Variants in ARL8B observed in about 807,000 individuals in gnomAD.
The protein encoded by ARL8B is ARF like GTPase 8B, also known as ADP-ribosylation factor-like protein 8B.
A neutral mutation model predicts 30.6 loss-of-function variants in ARL8B; 9 were observed. That is an observed-to-expected ratio of 0.29 (90% CI 0.18 to 0.51). The LOEUF is 0.51. ARL8B is among the 20% of genes least tolerant of loss of function. ARL8B has a pLI of 0.97. For missense variants in ARL8B, 130 were observed against 227.2 expected (o/e 0.57, Z 2.75); for synonymous variants, 74 against 76.0 (o/e 0.97, Z 0.14).
At chr3:5,164,097 C>A (rs922142897) in intron 1 of ARL8B, among the ~76,000 whole-genome samples, 4 of 152,110 alleles carry the variant, frequency 2.6e-5, no homozygotes, top group African/African-American at 9.7e-5. Flanking sequence ...TGTTCCCCAC[C>A]CCCTATATAT....
At chr3:5,172,304 G>T in intron 3 of ARL8B, 81 bp downstream of exon 3, 3 of 1,257,460 alleles carry the variant, frequency 2.4e-6, no homozygotes, top group Non-Finnish European at 3.4e-6. Context: ...ATTTCCAGAG[G>T]CTCAATTTTT....
At chr3:5,154,253 G>C (rs1045450567) in intron 1 of ARL8B, among the ~76,000 whole-genome samples, 1 of 150,578 alleles carries the variant, frequency 6.6e-6, no homozygotes, top group African/African-American at 2.4e-5. Context: ...ATGACTGTTA[G>C]TCCTTTTTAT....
At chr3:5,146,698 C>G (rs948856341) in intron 1 of ARL8B, among the ~76,000 whole-genome samples, 3 of 152,160 alleles carry the variant, frequency 2.0e-5, no homozygotes, top group Non-Finnish European at 4.4e-5. Flanking sequence ...GGTCTCCACC[C>G]AGGAGGTTAG....
At chr3:5,149,569 A>G (rs182010041) in intron 1 of ARL8B, among the ~76,000 whole-genome samples, 8 of 152,306 alleles carry the variant, frequency 5.3e-5, no homozygotes, top group South Asian at 4.1e-4. Context: ...TGGAGTTACA[A>G]TCTTCCCAGA....
chr3:5,158,925 G>A (rs2106565718), intron 1 of ARL8B, among the ~76,000 whole-genome samples: 1 of 152,126 alleles, frequency 6.6e-6, no homozygotes, highest in African/African-American at 2.4e-5. Context: ...TGTAGTATAT[G>A]CTGAAGTCTT....
intron 6 of ARL8B, among the ~76,000 whole-genome samples, chr3:5,177,077 C>T (rs548018908): frequency 6.2e-4 from 94 of 152,324 alleles, no homozygotes; most frequent in African/African-American, 2.3e-3. Flanking sequence ...TTACTCCCTA[C>T]ATGTTTTCTG....
intron 1 of ARL8B, among the ~76,000 whole-genome samples, chr3:5,163,201 G>C (rs907705241): frequency 2.6e-5 from 4 of 151,916 alleles, no homozygotes; most frequent in Non-Finnish European, 5.9e-5. Flanking sequence ...TGGCCAGGCT[G>C]GTCTCGAACT....
chr3:5,122,910 C>T (rs1428732425), intron 1 of ARL8B, among the ~76,000 whole-genome samples: 1 of 152,202 alleles, frequency 6.6e-6, no homozygotes, highest in Non-Finnish European at 1.5e-5. Flanking sequence ...ATTGGGGTTT[C>T]CCTTGGGTTT....
chr3:5,123,889 C>T (rs2054205258), intron 1 of ARL8B, among the ~76,000 whole-genome samples: 3 of 151,920 alleles, frequency 2.0e-5, no homozygotes, highest in Non-Finnish European at 2.9e-5. Flanking sequence ...AATTTTTTTT[C>T]TTGAGACGGA....
At position 5,178,959 on chromosome 3, in the gene ARL8B, G is replaced by A; in HGVS notation, c.*246G>A. On this transcript the variant is annotated 3_prime_UTR_variant, in exon 7 of 7. Coordinates refer to ENST00000256496, the MANE Select transcript of ARL8B (RefSeq NM_018184.3). Reference sequence around the variant, plus strand: ...TACACATACCTGTCTTAAACCATGTGTAGAGCTTTAAAAACAGAAAAAAAA... The same window carrying A: ...TACACATACCTGTCTTAAACCATGTATAGAGCTTTAAAAACAGAAAAAAAA... 2.2e-6 allele frequency: 1 copy of A among 460,734 alleles called. No individual in the cohort carries two copies. The highest frequency in any genetic ancestry group is 3.4e-6 in the Non-Finnish European group (1 of 290,332). The allele number at this position is 460,734 out of a possible 1,614,324, so 28.5% of individuals were successfully genotyped here. A position where few individuals can be genotyped will look rare whatever the true frequency, so the allele number is the denominator to read the frequency against.
At chr3:5,138,873 GCTTA>G (rs2054349337) in intron 1 of ARL8B, among the ~76,000 whole-genome samples, 1 of 152,156 alleles carries the variant, frequency 6.6e-6, no homozygotes. Flanking sequence ...GCTTTACAGT[GCTTA>G]CTGTTTCTTC....
chr3:5,172,097 C>T (rs1265045083), intron 2 of ARL8B, 53 bp from the exon 3 acceptor site: 3 of 1,479,504 alleles, frequency 2.0e-6, no homozygotes, highest in African/African-American at 2.8e-5. Flanking sequence ...CTTCCTCTTG[C>T]AATCATTTAA....
chr3:5,161,209 C>T (rs1425919083), intron 1 of ARL8B, among the ~76,000 whole-genome samples: 1 of 152,196 alleles, frequency 6.6e-6, no homozygotes, highest in East Asian at 1.9e-4. Context: ...CAGCCTTTAC[C>T]ACTAGTTATC....
chr3:5,163,244 C>T (rs927636849), intron 1 of ARL8B, among the ~76,000 whole-genome samples: 33 of 152,076 alleles, frequency 2.2e-4, no homozygotes, highest in African/African-American at 4.6e-4. Context: ...GCCTCAGCCT[C>T]GAAAAGTGCT....
intron 1 of ARL8B, among the ~76,000 whole-genome samples, chr3:5,130,243 C>G (rs926929116): frequency 6.7e-6 from 1 of 148,836 alleles, no homozygotes; most frequent in Non-Finnish European, 1.5e-5. Context: ...AGCCTGGTCC[C>G]GGAACTCCTG....
intron 1 of ARL8B, among the ~76,000 whole-genome samples, chr3:5,138,863 G>C (rs1225893933): frequency 2.0e-5 from 3 of 152,184 alleles, no homozygotes; most frequent in Non-Finnish European, 4.4e-5. Flanking sequence ...TAATGGAGTG[G>C]CTTTACAGTG....
intron 1 of ARL8B, among the ~76,000 whole-genome samples, chr3:5,142,029 G>T (rs1038224136): frequency 4.5e-4 from 69 of 152,138 alleles, no homozygotes; most frequent in Non-Finnish European, 4.9e-4. Flanking sequence ...GACATTAAAA[G>T]AGTTTGTCAA....
At position 5,168,090 on chromosome 3, in the gene ARL8B, A is replaced by G. The variant is rs142990367; in HGVS notation, c.124-2413A>G. Among the ~76,000 whole-genome samples, 752 of 152,056 alleles carry G rather than the reference A, an allele frequency of 4.9e-3. 4 individuals are homozygous for G. Among genetic ancestry groups the G allele is most frequent in the Non-Finnish European group, 7.4e-3 (504 of 67,978 alleles). On this transcript the variant is annotated intron_variant, in intron 1 of 6. Coordinates refer to ENST00000256496, the MANE Select transcript of ARL8B (RefSeq NM_018184.3). ...TTTTTTTGAGACATGCTCTCACTCT[A>G]TTGTCTAGGCTGGAGTACAGTGGCA...
Position 5,179,512 on chromosome 3 carries a change from G to T in ARL8B, c.*799G>T, listed in dbSNP as rs1430271337. Reference sequence around the variant, plus strand: ...CTTTTTTAAGGGGTTGAGAATTGAAGATTTTCCAAAAGCGTTCATGAATTT... The same window carrying T: ...CTTTTTTAAGGGGTTGAGAATTGAATATTTTCCAAAAGCGTTCATGAATTT... On this transcript the variant is annotated 3_prime_UTR_variant, in exon 7 of 7. Coordinates refer to ENST00000256496, the MANE Select transcript of ARL8B (RefSeq NM_018184.3). The T allele has an allele frequency of 6.6e-6, 1 of 152,440 alleles. No homozygotes were observed. 9.4% of individuals were successfully genotyped at this position (152,440 alleles called of 1,614,324 possible). A position where few individuals can be genotyped will look rare whatever the true frequency, so the allele number is the denominator to read the frequency against.
Sources: gnomAD v4.1 joint callset for allele counts (sites outside exome capture counted in the v4.1 genomes callset) on GRCh38, gnomAD v4.1.1 for gene constraint, MANE v1.5 for transcripts, NCBI Gene and HGNC (gene_info 2026-07-23, HGNC 2026-07-21) for gene names.